The following CACNG6 variants were observed in gnomAD, a reference collection of about 807,000 sequenced individuals.
CACNG6 encodes the protein voltage-dependent calcium channel gamma-6 subunit.
In CACNG6, 21 loss-of-function variants were observed where a neutral mutation model predicts 23.9. The observed-to-expected ratio is 0.88, with a 90% CI of 0.62 to 1.26. The LOEUF is 1.26. CACNG6 is among the 50% of genes most tolerant of loss of function. CACNG6 has a pLI of 0.00. For missense variants in CACNG6, 340 were observed against 352.9 expected, an observed-to-expected ratio of 0.96 and a Z score of 0.29; for synonymous variants, 182 against 168.9, an observed-to-expected ratio of 1.08 and a Z score of -0.60.
At chr19:53,995,394 G>A (rs1408739284) in intron 1 of CACNG6, among the ~76,000 whole-genome samples, 1 of 152,084 alleles carries the variant, frequency 6.6e-6, no homozygotes, top group African/African-American at 2.4e-5. Context: ...ACTCACCACT[G>A]CCCATCAAAA....
intron 1 of CACNG6, among the ~76,000 whole-genome samples, chr19:53,997,766 CTCTT>C (rs1255116842): frequency 6.6e-6 from 1 of 152,172 alleles, no homozygotes; most frequent in Non-Finnish European, 1.5e-5. Context: ...GGTTCTCTCT[CTCTT>C]CTTGCTAATC....
At position 53,993,059 on chromosome 19, in the gene CACNG6, T is replaced by TCTGGG; in HGVS notation, c.183_187dup (p.Val63AlafsTer77). The TCTGGG allele has an allele frequency of 6.6e-7, 1 of 1,524,498 alleles. No individual in the cohort carries two copies. Among genetic ancestry groups the TCTGGG allele is most frequent in the Non-Finnish European group, 8.8e-7 (1 of 1,135,568 alleles). 94.4% of individuals were successfully genotyped at this position (1,524,498 alleles called of 1,614,324 possible). A position where few individuals can be genotyped will look rare whatever the true frequency, so the allele number is the denominator to read the frequency against. Reference sequence around the variant, plus strand: ...GCGGTGCTGTCCGTGGGCACCGAGTTCTGGGTGGAGCTCAACACCTACAAG... The same window carrying TCTGGG: ...GCGGTGCTGTCCGTGGGCACCGAGTTCTGGGCTGGGTGGAGCTCAACACCTACAAG... On this transcript the variant is annotated frameshift_variant, in exon 1 of 4. Coordinates refer to ENST00000252729, the MANE Select transcript of CACNG6 (RefSeq NM_145814.2). LOFTEE classifies it high-confidence loss of function.
chr19:54,007,278 C>T (rs780686746), intron 3 of CACNG6, among the ~76,000 whole-genome samples: 9 of 152,020 alleles, frequency 5.9e-5, no homozygotes, highest in South Asian at 2.1e-4. Context: ...CAAACTCCTG[C>T]GATCCGCTCG....
At chr19:53,995,937 C>T (rs527576466) in intron 1 of CACNG6, among the ~76,000 whole-genome samples, 13 of 152,218 alleles carry the variant, frequency 8.5e-5, no homozygotes, top group Non-Finnish European at 1.6e-4. Flanking sequence ...GCTGGGATGA[C>T]AGGCATGAGC....
upstream of CACNG6, among the ~76,000 whole-genome samples, chr19:53,991,287 C>T (rs1336757392): frequency 6.6e-6 from 1 of 151,716 alleles, no homozygotes; most frequent in Non-Finnish European, 1.5e-5. Flanking sequence ...CTCAGGCCCT[C>T]CTCCCTGAGA....
At chr19:54,010,422 T>C (rs1470127364) in intron 3 of CACNG6, among the ~76,000 whole-genome samples, 1 of 152,132 alleles carries the variant, frequency 6.6e-6, no homozygotes, top group Non-Finnish European at 1.5e-5. Flanking sequence ...AGTGCTGGGA[T>C]TGTAGGTGTG....
chr19:54,006,116 A>AAATAAATAAATAAATAAATT (rs2069641721), intron 3 of CACNG6, among the ~76,000 whole-genome samples: 1 of 150,914 alleles, frequency 6.6e-6, no homozygotes, highest in Non-Finnish European at 1.5e-5. Flanking sequence ...ATAAATAAAT[A>AAATAAATAAATAAATAAATT]AATAAAATAA....
intron 2 of CACNG6, 120 bp from the exon 3 acceptor site, chr19:53,999,514 C>T: frequency 1.7e-6 from 2 of 1,175,538 alleles, no homozygotes; most frequent in South Asian, 2.9e-5. Context: ...TGATACTCTA[C>T]TTGAAAATTC....
Position 54,012,298 on chromosome 19 carries a change from C to G in CACNG6, c.*109C>G, listed in dbSNP as rs74403906. ...CTAGAGAAACTGTGTTCTCCCTGCT[C>G]GGGGGCCCATGTTTTTTTACACGCC... On this transcript the variant is annotated 3_prime_UTR_variant, in exon 4 of 4. Coordinates refer to ENST00000252729, the MANE Select transcript of CACNG6 (RefSeq NM_145814.2). 2 of 506,636 alleles carry G rather than the reference C, an allele frequency of 3.9e-6. No individual in the cohort carries two copies. The highest frequency in any genetic ancestry group is 3.9e-5 in the African/African-American group (2 of 51,368). 31.4% of individuals were successfully genotyped at this position (506,636 alleles called of 1,614,324 possible). A position where few individuals can be genotyped will look rare whatever the true frequency, so the allele number is the denominator to read the frequency against.
intron 3 of CACNG6, among the ~76,000 whole-genome samples, chr19:54,005,950 C>T (rs1052797529): frequency 4.0e-5 from 6 of 151,080 alleles, no homozygotes; most frequent in African/African-American, 1.5e-4. Flanking sequence ...ATTAGCTGGG[C>T]GTGGCGGCGG....
In CACNG6 at chr19:54,012,253, A is replaced by G. The variant is rs2069726839; in HGVS notation, c.*64A>G. On this transcript the variant is annotated 3_prime_UTR_variant, in exon 4 of 4. Transcript: ENST00000252729. ...TTTGACCTTCTCCATTGTACCCCCA[A>G]GATCTTTTTGCCCCATCTCCTAGAG... 1 of 727,086 alleles carries G rather than the reference A, an allele frequency of 1.4e-6. No homozygotes were observed. The highest frequency in any genetic ancestry group is 2.1e-6 in the Non-Finnish European group (1 of 484,326). 45.0% of individuals were successfully genotyped at this position (727,086 alleles called of 1,614,324 possible). A position where few individuals can be genotyped will look rare whatever the true frequency, so the allele number is the denominator to read the frequency against.
chr19:53,999,726 G>A lies in CACNG6; in HGVS notation c.499G>A (p.Ala167Thr). 3 of 1,614,128 alleles carry A rather than the reference G, an allele frequency of 1.9e-6. No individual in the cohort carries two copies. The highest frequency in any genetic ancestry group is 1.7e-6 in the Non-Finnish European group (2 of 1,180,034). Reference sequence around the variant, plus strand: ...TATCATCATGGTGCTCAGTAAAGGTGCAGAGTTCCTGCTCCGAGTTGGAGC... The same window carrying A: ...TATCATCATGGTGCTCAGTAAAGGTACAGAGTTCCTGCTCCGAGTTGGAGC... The part of the protein sequence containing the change: ...LCIIMVLSKG[A>T]EFLLRVGAVC... The change falls in exon 3 of 4, where the codon GCA becomes ACA. Residue 167 changes from alanine to threonine, a missense_variant. By Grantham distance (58) the Ala-to-Thr change is moderately conservative (BLOSUM62 0). Coordinates refer to ENST00000252729, the MANE Select transcript of CACNG6 (RefSeq NM_145814.2).
chr19:54,000,813 C>G (rs1009101501), intron 3 of CACNG6, among the ~76,000 whole-genome samples: 1 of 152,126 alleles, frequency 6.6e-6, no homozygotes, highest in African/African-American at 2.4e-5. Flanking sequence ...CTCCTGACGT[C>G]AAGTGATCTG....
chr19:54,004,901 A>G (rs1205801528), intron 3 of CACNG6, among the ~76,000 whole-genome samples: 1 of 125,244 alleles, frequency 8.0e-6, no homozygotes, highest in Non-Finnish European at 1.6e-5. Context: ...AAAATGTTAA[A>G]AATAAATAAA....
In CACNG6 at chr19:53,991,998, C is replaced by T. The variant is rs1464807016; in HGVS notation, c.-880C>T. 3.4e-5 allele frequency among the ~76,000 whole-genome samples: 5 copies of T among 144,994 alleles called. No homozygotes were observed. ...CCATCTGCCCCAGCCCTCGGGGAGG[C>T]CCCGTAGCCTCCCGCCTCTGGACTC... On this transcript the variant is annotated 5_prime_UTR_variant, in exon 1 of 4. Transcript: ENST00000252729.
intron 3 of CACNG6, among the ~76,000 whole-genome samples, chr19:54,007,032 T>TTG (rs1262467907): frequency 2.6e-5 from 4 of 151,488 alleles, no homozygotes; most frequent in Non-Finnish European, 4.4e-5. Context: ...AATTATCTGT[T>TTG]TGTGTGTGTG....
intron 1 of CACNG6, among the ~76,000 whole-genome samples, chr19:53,995,363 T>C (rs1166775501): frequency 6.6e-6 from 1 of 152,100 alleles, no homozygotes; most frequent in African/African-American, 2.4e-5. Context: ...CAATCTTCAT[T>C]ATCTCAGAGA....
chr19:54,005,489 T>C (rs113747323), intron 3 of CACNG6, among the ~76,000 whole-genome samples: 2 of 150,548 alleles, frequency 1.3e-5, no homozygotes, highest in African/African-American at 4.9e-5. Flanking sequence ...GGCATGGTGG[T>C]TCATGCCTGT....
Position 53,997,748 on chromosome 19 carries a change from G to A in CACNG6, c.332-491G>A, listed in dbSNP as rs117998937. 3.3e-3 allele frequency among the ~76,000 whole-genome samples: 496 copies of A among 152,198 alleles called. 12 individuals are homozygous for A. The East Asian group carries it at 0.034, about 11-fold the overall frequency. On this transcript the variant is annotated intron_variant, in intron 1 of 3. Transcript: ENST00000252729. ...TACTATTCATACCCTTTGCCCATTT[G>A]TCAACTGGGTTCTCTCTCTCTTCTT...
Sources: allele counts gnomAD v4.1 joint callset (sites outside exome capture counted in the v4.1 genomes callset), GRCh38; gene constraint gnomAD v4.1.1; transcripts MANE v1.5; gene names NCBI Gene and HGNC (gene_info 2026-07-23, HGNC 2026-07-21).